The following SV2C variants were observed in gnomAD, a reference collection of about 807,000 sequenced individuals.
SV2C encodes solute carrier family 22 member B3.
SV2C carries 49 observed loss-of-function variants against 79.7 expected under a neutral mutation model. That is an observed-to-expected ratio of 0.61 (90% confidence interval 0.49 to 0.78). The LOEUF (loss-of-function observed/expected upper bound fraction) is 0.78. Ranked by LOEUF, SV2C falls within the 30% of genes least tolerant of loss-of-function variation. SV2C has a pLI of 0.00. For missense variants in SV2C, 833 were observed against 912.9 expected (o/e 0.91, Z 1.13); for synonymous variants, 334 against 333.2 (o/e 1.00, Z -0.03).
At chr5:76,104,409 T>G (rs575067389) in intron 1 of SV2C, among the ~76,000 whole-genome samples, 82 of 152,288 alleles carry the variant, frequency 5.4e-4, no homozygotes, top group Admixed American at 1.9e-3. Context: ...GGTCTTGCTA[T>G]GTTGGCCAGG....
At chr5:76,104,008 A>G (rs1644146597) in intron 1 of SV2C, among the ~76,000 whole-genome samples, 1 of 152,236 alleles carries the variant, frequency 6.6e-6, no homozygotes, top group African/African-American at 2.4e-5. Context: ...TATAAAAAGT[A>G]TATACATCAT....
chr5:76,202,463 T>A (rs898630795), intron 3 of SV2C, among the ~76,000 whole-genome samples: 1 of 152,204 alleles, frequency 6.6e-6, no homozygotes, highest in Non-Finnish European at 1.5e-5. Flanking sequence ...CCAGGGCCCA[T>A]GCTCATAACC....
At chr5:76,193,460 T>C (rs1351126944) in intron 2 of SV2C, among the ~76,000 whole-genome samples, 1 of 152,134 alleles carries the variant, frequency 6.6e-6, no homozygotes, top group African/African-American at 2.4e-5. Flanking sequence ...AGCTAAAGAC[T>C]TTGCTTCACA....
intron 12 of SV2C, among the ~76,000 whole-genome samples, chr5:76,321,325 A>G (rs939258620): frequency 4.6e-5 from 7 of 152,164 alleles, no homozygotes; most frequent in African/African-American, 1.4e-4. Context: ...GTATCCAAAA[A>G]TTGCCCTGTA....
At chr5:76,022,729 A>T in the SV2C span, among the ~76,000 whole-genome samples, 3 of 152,344 alleles carry the variant, frequency 2.0e-5, no homozygotes, top group South Asian at 6.2e-4. Flanking sequence ...ACATGTTTAG[A>T]ATCACATATA....
At chr5:76,026,703 AG>A in the SV2C span, among the ~76,000 whole-genome samples, 1 of 152,256 alleles carries the variant, frequency 6.6e-6, no homozygotes, top group African/African-American at 2.4e-5. Context: ...GTGAATAAAA[AG>A]AGATAGTGAG....
At chr5:76,166,509 C>T (rs919365486) in intron 2 of SV2C, among the ~76,000 whole-genome samples, 1 of 152,060 alleles carries the variant, frequency 6.6e-6, no homozygotes. Flanking sequence ...TGAGCAGTCC[C>T]ACAAATATCT....
intron 6 of SV2C, chr5:76,286,786 C>A (rs769771421): frequency 9.9e-5 from 15 of 152,132 alleles, no homozygotes; most frequent in African/African-American, 3.1e-4. Context: ...CTTCACATGG[C>A]GGCAACAAGG....
At chr5:75,959,752 A>C in the SV2C span, among the ~76,000 whole-genome samples, 2 of 152,124 alleles carry the variant, frequency 1.3e-5, no homozygotes, top group South Asian at 4.1e-4. Context: ...TATTCATTCC[A>C]CATTTATCTT....
chr5:76,063,122 T>TA, the SV2C span, among the ~76,000 whole-genome samples: 1 of 152,194 alleles, frequency 6.6e-6, no homozygotes, highest in Admixed American at 6.5e-5. Flanking sequence ...TAATATGTGA[T>TA]AATCTTTACC....
intron 1 of SV2C, among the ~76,000 whole-genome samples, chr5:76,122,623 A>G (rs1321676266): frequency 6.6e-6 from 1 of 152,014 alleles, no homozygotes; most frequent in Admixed American, 6.6e-5. Flanking sequence ...CTGACTGACT[A>G]CTGGGTACAT....
the SV2C span, among the ~76,000 whole-genome samples, chr5:75,966,021 T>G: frequency 6.6e-6 from 1 of 152,252 alleles, no homozygotes; most frequent in African/African-American, 2.4e-5. Flanking sequence ...AATGTACAAC[T>G]GTGGAAGCAA....
At chr5:76,247,090 A>G (rs1475407835) in intron 4 of SV2C, among the ~76,000 whole-genome samples, 3 of 152,218 alleles carry the variant, frequency 2.0e-5, no homozygotes, top group African/African-American at 7.2e-5. Flanking sequence ...GAGATTAAAG[A>G]TTAGAAACTC....
intron 2 of SV2C, among the ~76,000 whole-genome samples, chr5:76,169,554 C>T (rs1008600678): frequency 6.6e-6 from 1 of 152,230 alleles, no homozygotes. Flanking sequence ...TGTTATGTTT[C>T]TCAGTAGCAC....
At chr5:76,198,533 T>C (rs1462034327) in intron 3 of SV2C, among the ~76,000 whole-genome samples, 2 of 152,146 alleles carry the variant, frequency 1.3e-5, no homozygotes, top group Non-Finnish European at 2.9e-5. Context: ...CTTTTCTTTA[T>C]AAACTGCCCC....
At chr5:75,922,899 G>C in the SV2C span, among the ~76,000 whole-genome samples, 1 of 152,196 alleles carries the variant, frequency 6.6e-6, no homozygotes, top group Admixed American at 6.5e-5. Flanking sequence ...TAAGCACTGA[G>C]CATAGGGAAT....
rs1747172587 is a variant in SV2C at position 76,280,972 on chromosome 5, C to T, written c.914-4190C>T. The T allele has an allele frequency of 9.3e-6, 5 of 537,132 alleles. No homozygotes were observed. The East Asian group carries it at 1.6e-4, about 17-fold the overall frequency. 33.3% of individuals were successfully genotyped at this position (537,132 alleles called of 1,614,324 possible). ...CCAGGATGACAGGATCCTGGTGATG[C>T]GGCCCAACAGGAAGCAAAGCACAGG... On this transcript the variant is annotated intron_variant, in intron 4 of 12. Transcript: ENST00000502798.
chr5:76,202,031 A>AAG (rs1490556822), intron 3 of SV2C, among the ~76,000 whole-genome samples: 1 of 151,122 alleles, frequency 6.6e-6, no homozygotes, highest in Admixed American at 6.6e-5. Flanking sequence ...AAAAAAAAAA[A>AAG]AAAAAGAAAG....
In SV2C at chr5:76,291,230, A is replaced by G. The variant is rs375669090; in HGVS notation, c.1147A>G (p.Ile383Val). The G allele has an allele frequency of 6.2e-6, 10 of 1,610,802 alleles. No individual in the cohort carries two copies. The African/African-American group carries it at 1.2e-4, about 19-fold the overall frequency. Residue 383 changes from isoleucine to valine, a missense_variant, in exon 7 of 13, where the codon ATA (isoleucine) becomes GTA (valine). Ile to Val is a conservative substitution (Grantham distance 29). Coordinates refer to ENST00000502798, the MANE Select transcript of SV2C (RefSeq NM_014979.4). ...CTGTTTCTCTCTACAGGTAAACAAA[A>G]TAAAAACTCCTAAACAAATAGATGA... ...QPEKVFTVNK[I>V]KTPKQIDELI...
Sources: gnomAD v4.1 joint callset for allele counts (sites outside exome capture counted in the v4.1 genomes callset) on GRCh38, gnomAD v4.1.1 for gene constraint, MANE v1.5 for transcripts, NCBI Gene and HGNC (gene_info 2026-07-23, HGNC 2026-07-21) for gene names.